Variants in CHRM3 observed in about 807,000 individuals in gnomAD.
CHRM3 encodes the protein muscarinic acetylcholine receptor M3.
In CHRM3, 11 loss-of-function variants were observed where a neutral mutation model predicts 41.8. That is an observed-to-expected ratio of 0.26 (90% CI 0.17 to 0.44). The LOEUF (loss-of-function observed/expected upper bound fraction) is 0.44. Among genes scored for constraint, CHRM3 ranks in the 20% least tolerant of loss-of-function variants. The pLI, the probability that CHRM3 is intolerant of heterozygous loss-of-function variation, is 1.00. For missense variants in CHRM3, 571 were observed against 745.4 expected (o/e 0.77, Z 2.72); for synonymous variants, 297 against 301.4 (o/e 0.99, Z 0.15).
chr1:239,538,595 G>T (rs746540782), intron 2 of CHRM3, among the ~76,000 whole-genome samples: 1 of 152,138 alleles, frequency 6.6e-6, no homozygotes, highest in Non-Finnish European at 1.5e-5. Flanking sequence ...ACTGATTTTT[G>T]TCTAGTTCAT....
chr1:239,455,356 C>CT (rs548892634), intron 1 of CHRM3, among the ~76,000 whole-genome samples: 85 of 145,808 alleles, frequency 5.8e-4, no homozygotes, highest in East Asian at 1.0e-3. Context: ...CAGCCTTCTA[C>CT]TTTTTTTTTT....
intron 3 of CHRM3, among the ~76,000 whole-genome samples, chr1:239,558,855 A>C (rs1429783467): frequency 6.6e-6 from 1 of 152,120 alleles, no homozygotes. Context: ...GAAATCATCT[A>C]CTTTATGTTT....
intron 6 of CHRM3, among the ~76,000 whole-genome samples, chr1:239,905,543 TA>T (rs1679903092): frequency 6.6e-6 from 1 of 152,000 alleles, no homozygotes; most frequent in Non-Finnish European, 1.5e-5. Flanking sequence ...CCATCTCTAC[TA>T]AAAATACAAA....
intron 5 of CHRM3, among the ~76,000 whole-genome samples, chr1:239,695,954 A>G (rs561422882): frequency 1.3e-5 from 2 of 152,320 alleles, no homozygotes; most frequent in African/African-American, 4.8e-5. Context: ...GATTACCTGT[A>G]TACGCATTGT....
intron 4 of CHRM3, among the ~76,000 whole-genome samples, chr1:239,637,778 T>C (rs1181902678): frequency 4.6e-5 from 7 of 150,966 alleles, no homozygotes; most frequent in Admixed American, 6.6e-5. Context: ...ATTTTATTAT[T>C]ATTATACTTT....
chr1:239,647,511 G>A (rs981833823), intron 4 of CHRM3, among the ~76,000 whole-genome samples: 1 of 151,108 alleles, frequency 6.6e-6, no homozygotes, highest in East Asian at 1.9e-4. Flanking sequence ...TTTATCTACT[G>A]CAAAGTGATG....
At chr1:239,752,524 T>C (rs1223478095) in intron 5 of CHRM3, among the ~76,000 whole-genome samples, 1 of 152,218 alleles carries the variant, frequency 6.6e-6, no homozygotes, top group East Asian at 1.9e-4. Context: ...GTTCTCAATG[T>C]TATAGAATTA....
chr1:239,647,609 T>C (rs1671852615), intron 4 of CHRM3, among the ~76,000 whole-genome samples: 1 of 152,198 alleles, frequency 6.6e-6, no homozygotes, highest in Admixed American at 6.5e-5. Flanking sequence ...GACTCAAATC[T>C]GTGCCTCCGC....
intron 5 of CHRM3, among the ~76,000 whole-genome samples, chr1:239,777,959 G>C (rs1283894089): frequency 6.6e-6 from 1 of 152,064 alleles, no homozygotes; most frequent in Non-Finnish European, 1.5e-5. Flanking sequence ...AGGGAGGTCC[G>C]GGGAAAGGTT....
chr1:239,520,120 C>G (rs1669544762), intron 2 of CHRM3, among the ~76,000 whole-genome samples: 1 of 152,154 alleles, frequency 6.6e-6, no homozygotes, highest in South Asian at 2.1e-4. Context: ...TCAGTCATTG[C>G]TGAGGAAGAA....
chr1:239,415,419 G>A (rs1661419088), intron 1 of CHRM3, among the ~76,000 whole-genome samples: 1 of 152,264 alleles, frequency 6.6e-6, no homozygotes, highest in Non-Finnish European at 1.5e-5. Flanking sequence ...CAGCCTGGCC[G>A]ACAGAGCAAG....
intron 1 of CHRM3, among the ~76,000 whole-genome samples, chr1:239,437,138 G>A (rs567203548): frequency 6.6e-6 from 1 of 152,182 alleles, no homozygotes; most frequent in African/African-American, 2.4e-5. Flanking sequence ...TTTAAGACAG[G>A]GAGGGTCACA....
intron 5 of CHRM3, chr1:239,706,609 T>C (rs1248237190): frequency 7.1e-6 from 1 of 141,520 alleles, no homozygotes; most frequent in Non-Finnish European, 1.5e-5. Context: ...CCCACACATG[T>C]GTCCATGTAC....
intron 5 of CHRM3, among the ~76,000 whole-genome samples, chr1:239,797,702 AT>A (rs990166972): frequency 3.3e-5 from 5 of 152,154 alleles, no homozygotes; most frequent in African/African-American, 1.2e-4. Flanking sequence ...TATTTAACAA[AT>A]TGCTTCCTTG....
intron 5 of CHRM3, among the ~76,000 whole-genome samples, chr1:239,779,094 C>G (rs1668318617): frequency 6.6e-6 from 1 of 152,148 alleles, no homozygotes; most frequent in Non-Finnish European, 1.5e-5. Flanking sequence ...CCTGATGAAA[C>G]TTCACTTGTG....
chr1:239,718,539 G>A (rs1200237752), intron 5 of CHRM3, among the ~76,000 whole-genome samples: 1 of 151,860 alleles, frequency 6.6e-6, no homozygotes, highest in Admixed American at 6.6e-5. Flanking sequence ...ATGGAGTTTT[G>A]TACACTTTTT....
chr1:239,532,616 G>T, intron 2 of CHRM3, among the ~76,000 whole-genome samples: 1 of 111,094 alleles, frequency 9.0e-6, no homozygotes, highest in East Asian at 2.4e-4. Flanking sequence ...GAGCAAGACT[G>T]CCTCTCAAAA....
chr1:239,521,794 A>G (rs1427921747), intron 2 of CHRM3, among the ~76,000 whole-genome samples: 1 of 152,228 alleles, frequency 6.6e-6, no homozygotes, highest in Non-Finnish European at 1.5e-5. Context: ...AAATAATAGC[A>G]CAAATTCAAA....
intron 3 of CHRM3, among the ~76,000 whole-genome samples, chr1:239,611,519 C>G (rs1667042877): frequency 7.0e-6 from 1 of 143,200 alleles, no homozygotes; most frequent in Non-Finnish European, 1.5e-5. Flanking sequence ...CTCCCTGGTT[C>G]AAGGGATTCT....
Sources: allele counts gnomAD v4.1 joint callset (sites outside exome capture counted in the v4.1 genomes callset), GRCh38; gene constraint gnomAD v4.1.1; transcripts MANE v1.5; gene names NCBI Gene and HGNC (gene_info 2026-07-23, HGNC 2026-07-21).